Variants in KIF13A observed in about 807,000 individuals in gnomAD.
KIF13A encodes kinesin family member 13A, also known as kinesin-like protein KIF13A.
Under a neutral mutation model 212.2 loss-of-function variants are expected in KIF13A, and 79 were observed. The observed-to-expected ratio is 0.37, with a 90% CI of 0.31 to 0.45. The LOEUF is 0.45. Among genes scored for constraint, KIF13A ranks in the 20% least tolerant of loss-of-function variants. The pLI is 1.00. For synonymous variants in KIF13A, 789 were observed against 808.6 expected (o/e 0.98, Z 0.41); for missense variants, 1,901 against 2,209.0 (o/e 0.86, Z 2.79).
chr6:17,959,661 C>T (rs1038186798), intron 2 of KIF13A, among the ~76,000 whole-genome samples: 3 of 152,244 alleles, frequency 2.0e-5, no homozygotes, highest in Non-Finnish European at 2.9e-5. Flanking sequence ...TTTCCTAAAC[C>T]TCCACATTAA....
intron 4 of KIF13A, among the ~76,000 whole-genome samples, chr6:17,864,576 A>T (rs1769172010): frequency 6.6e-6 from 1 of 152,090 alleles, no homozygotes; most frequent in South Asian, 2.1e-4. Context: ...ACAGCCTCTA[A>T]CTCCTCGAGG....
At chr6:17,964,379 A>G (rs1779116493) in intron 2 of KIF13A, among the ~76,000 whole-genome samples, 1 of 152,204 alleles carries the variant, frequency 6.6e-6, no homozygotes, top group African/African-American at 2.4e-5. Flanking sequence ...GTTGTAATAA[A>G]TCTTGTCTGT....
intron 3 of KIF13A, among the ~76,000 whole-genome samples, chr6:17,877,503 C>T (rs1331615884): frequency 6.6e-6 from 1 of 152,152 alleles, no homozygotes; most frequent in African/African-American, 2.4e-5. Flanking sequence ...GATGATCTAT[C>T]TTGTTTTTAA....
chr6:17,866,052 CT>C (rs1459118489), intron 4 of KIF13A, among the ~76,000 whole-genome samples: 1 of 152,176 alleles, frequency 6.6e-6, no homozygotes, highest in African/African-American at 2.4e-5. Context: ...AGCCACTCAC[CT>C]GTGAAGAATG....
rs1364968634 is a variant in KIF13A at position 17,837,643 on chromosome 6, T to C, written c.831-60A>G. The C allele has an allele frequency of 3.5e-6, 4 of 1,148,392 alleles. No homozygotes were observed. In the South Asian group the frequency reaches 4.0e-5, roughly 12 times the overall value. The allele number at this position is 1,148,392 out of a possible 1,614,324, so 71.1% of individuals were successfully genotyped here. ...ATGTTTATTTGGTTTAAGTATAAAATATGCAGAACAATAAAGCTCCACAGT... is the reference window on the plus strand; with the variant it reads ...ATGTTTATTTGGTTTAAGTATAAAACATGCAGAACAATAAAGCTCCACAGT... On this transcript the variant is annotated intron_variant, in intron 9 of 38. Transcript: ENST00000259711. The surrounding 1 kb of genome is among the most constrained non-coding windows in gnomAD (Gnocchi z 5.4).
chr6:17,791,942 G>T (rs965640093), intron 25 of KIF13A, among the ~76,000 whole-genome samples: 1 of 146,282 alleles, frequency 6.8e-6, no homozygotes, highest in African/African-American at 2.5e-5. Flanking sequence ...AGTGGCTCAC[G>T]CCTGTAATCC....
intron 2 of KIF13A, among the ~76,000 whole-genome samples, chr6:17,946,528 T>C (rs1483730005): frequency 6.6e-6 from 1 of 151,716 alleles, no homozygotes; most frequent in Non-Finnish European, 1.5e-5. Context: ...ATAAAATATA[T>C]GAAAAGATGT....
chr6:17,887,913 C>T (rs2150463931), intron 3 of KIF13A, among the ~76,000 whole-genome samples: 1 of 150,444 alleles, frequency 6.6e-6, no homozygotes, highest in East Asian at 2.0e-4. Context: ...GCCATATTGG[C>T]CAGGCTGGTC....
At chr6:17,848,203 T>C (rs1446925928) in intron 9 of KIF13A, among the ~76,000 whole-genome samples, 1 of 152,208 alleles carries the variant, frequency 6.6e-6, no homozygotes, top group Non-Finnish European at 1.5e-5. Context: ...ATGATCAATT[T>C]AGGGTAATTA....
intron 2 of KIF13A, among the ~76,000 whole-genome samples, chr6:17,941,411 T>C (rs1298261672): frequency 6.6e-6 from 1 of 152,182 alleles, no homozygotes; most frequent in Non-Finnish European, 1.5e-5. Flanking sequence ...CCCCACACCC[T>C]AAATTTCCAT....
At chr6:17,908,522 T>C (rs778162499) in intron 2 of KIF13A, among the ~76,000 whole-genome samples, 21 of 152,258 alleles carry the variant, frequency 1.4e-4, no homozygotes, top group Non-Finnish European at 2.9e-4. Flanking sequence ...GAGGATCGCT[T>C]GAGCCCGGGA....
intron 4 of KIF13A, among the ~76,000 whole-genome samples, chr6:17,862,596 A>G (rs904858429): frequency 6.6e-6 from 1 of 152,102 alleles, no homozygotes; most frequent in Non-Finnish European, 1.5e-5. Context: ...TGAGGGCAGG[A>G]GCTCAAGACC....
rs1435022460 is a variant in KIF13A at position 17,934,992 on chromosome 6, C to A, written c.147-36812G>T. ...TGAAGCAAGTTCCTTTACACCTGTGCTCCAGGCTTCCCACCACGCTAAGGG... is the reference window on the plus strand; with the variant it reads ...TGAAGCAAGTTCCTTTACACCTGTGATCCAGGCTTCCCACCACGCTAAGGG... On this transcript the variant is annotated intron_variant, in intron 2 of 38. Coordinates refer to ENST00000259711, the MANE Select transcript of KIF13A (RefSeq NM_022113.6). The surrounding 1 kb of genome is among the most constrained non-coding windows in gnomAD (Gnocchi z 5.4). 1.3e-5 allele frequency among the ~76,000 whole-genome samples: 2 copies of A among 152,102 alleles called. No individual in the cohort carries two copies. The highest frequency in any genetic ancestry group is 3.9e-4 in the East Asian group (2 of 5,188).
At chr6:17,917,023 CAAA>C (rs1423138384) in intron 2 of KIF13A, among the ~76,000 whole-genome samples, 1 of 104,672 alleles carries the variant, frequency 9.6e-6, no homozygotes, top group Non-Finnish European at 2.0e-5. Flanking sequence ...GTCAACTTTA[CAAA>C]AAAAAAAAAA....
chr6:17,913,293 C>T (rs921450003), intron 2 of KIF13A, among the ~76,000 whole-genome samples: 1 of 152,198 alleles, frequency 6.6e-6, no homozygotes, highest in Admixed American at 6.5e-5. Flanking sequence ...GGGAAACTCA[C>T]AGAATTTTCA....
At position 17,951,655 on chromosome 6, in the gene KIF13A, T is replaced by C. The variant is rs901571853; in HGVS notation, c.146+35399A>G. ...CCCCAAGCCTAGGCAACCATTAATC[T>C]ACTTTCTGTCTCCACGAATATGTCT... is the stretch of plus-strand genomic sequence containing the variant. On this transcript the variant is annotated intron_variant, in intron 2 of 38. Transcript: ENST00000259711. This position sits in a 1 kb window ranked among gnomAD's most constrained non-coding sequence, Gnocchi z 4.9. 1.3e-5 allele frequency among the ~76,000 whole-genome samples: 2 copies of C among 151,578 alleles called. No homozygotes were observed. The highest frequency in any genetic ancestry group is 2.9e-5 in the Non-Finnish European group (2 of 67,808).
chr6:17,972,358 C>G (rs1561821418), intron 2 of KIF13A, among the ~76,000 whole-genome samples: 1 of 152,082 alleles, frequency 6.6e-6, no homozygotes, highest in Non-Finnish European at 1.5e-5. Context: ...AGCAAAAAGG[C>G]AAAACAAAAC....
chr6:17,977,761 T>C (rs1456378340), intron 2 of KIF13A, among the ~76,000 whole-genome samples: 1 of 152,244 alleles, frequency 6.6e-6, no homozygotes, highest in Non-Finnish European at 1.5e-5. Flanking sequence ...TGCAGATTTG[T>C]TACATATTGT....
intron 19 of KIF13A, among the ~76,000 whole-genome samples, chr6:17,804,811 T>TGAAA (rs1762794803): frequency 4.3e-5 from 1 of 23,294 alleles, no homozygotes; most frequent in Non-Finnish European, 8.7e-5. Context: ...CTGTCTCCAT[T>TGAAA]AAAAAAAAAA....
Sources: gnomAD v4.1 joint callset for allele counts (sites outside exome capture counted in the v4.1 genomes callset) on GRCh38, gnomAD v4.1.1 for gene constraint, Gnocchi (gnomAD v3.1) non-coding constraint, MANE v1.5 for transcripts, NCBI Gene and HGNC (gene_info 2026-07-23, HGNC 2026-07-21) for gene names.